EBF2: variants seen among roughly 807,000 people sequenced by gnomAD.
The protein encoded by EBF2 is transcription factor COE2.
A neutral mutation model predicts 72.8 loss-of-function variants in EBF2; 21 were observed. The ratio of observed to expected loss-of-function variants is 0.29; its 90% confidence interval spans 0.20 to 0.42. The LOEUF is 0.42. Ranked by LOEUF, EBF2 falls within the 10% of genes least tolerant of loss-of-function variation. EBF2 has a pLI of 1.00. For synonymous variants in EBF2, 299 were observed against 274.2 expected (o/e 1.09, Z -0.89); for missense variants, 637 against 731.2 (o/e 0.87, Z 1.49).
chr8:26,008,855 A>C (rs1025501469), intron 6 of EBF2, among the ~76,000 whole-genome samples: 12 of 151,618 alleles, frequency 7.9e-5, no homozygotes, highest in African/African-American at 2.9e-4. Context: ...AAAAAAAAAA[A>C]AAAACACGAA....
chr8:25,999,388 T>C (rs958478411), intron 6 of EBF2, among the ~76,000 whole-genome samples: 1 of 152,212 alleles, frequency 6.6e-6, no homozygotes, highest in African/African-American at 2.4e-5. Context: ...ATTTGAATTT[T>C]CCAGCCCTCT....
chr8:25,858,564 G>GGCTA, intron 13 of EBF2, 60 bp from the exon 14 acceptor site: 1 of 1,543,196 alleles, frequency 6.5e-7, no homozygotes, highest in Non-Finnish European at 8.8e-7. Context: ...GGCCACATGT[G>GGCTA]GCTAGCACAG....
chr8:25,990,882 G>A (rs1804531361), intron 6 of EBF2, among the ~76,000 whole-genome samples: 2 of 152,194 alleles, frequency 1.3e-5, no homozygotes. Context: ...AGTACAGAGT[G>A]GATGCCAAAT....
At chr8:26,033,967 C>T (rs965034447) in intron 5 of EBF2, among the ~76,000 whole-genome samples, 7 of 152,098 alleles carry the variant, frequency 4.6e-5, no homozygotes, top group African/African-American at 1.2e-4. Flanking sequence ...ATCGGAACCA[C>T]GGAAGGTTGG....
intron 6 of EBF2, among the ~76,000 whole-genome samples, chr8:25,955,661 A>G (rs1260676776): frequency 6.6e-6 from 1 of 152,142 alleles, no homozygotes; most frequent in Non-Finnish European, 1.5e-5. Context: ...GAAGGAAGGA[A>G]AAAGGAGAGA....
intron 6 of EBF2, among the ~76,000 whole-genome samples, chr8:26,025,286 G>C (rs1425152202): frequency 2.6e-5 from 4 of 152,236 alleles, no homozygotes; most frequent in Admixed American, 6.5e-5. Flanking sequence ...TGTATTTTGT[G>C]AATACGTATT....
At chr8:25,866,020 G>A (rs1307105936) in intron 10 of EBF2, among the ~76,000 whole-genome samples, 11 of 148,934 alleles carry the variant, frequency 7.4e-5, no homozygotes, top group South Asian at 2.1e-4. Context: ...GCAAGACTCC[G>A]TCTCAAAAAA....
chr8:26,022,445 C>T (rs1306947189), intron 6 of EBF2, among the ~76,000 whole-genome samples: 1 of 152,168 alleles, frequency 6.6e-6, no homozygotes, highest in Admixed American at 6.5e-5. Flanking sequence ...TTTGGAGGGG[C>T]TACATGGAAA....
intron 6 of EBF2, among the ~76,000 whole-genome samples, chr8:25,912,497 C>CACACACA (rs1018117434): frequency 3.0e-5 from 4 of 132,236 alleles, no homozygotes; most frequent in Non-Finnish European, 6.4e-5. Context: ...CACACACACA[C>CACACACA]AACAGGAAGA....
intron 6 of EBF2, among the ~76,000 whole-genome samples, chr8:25,979,009 C>T (rs577546985): frequency 7.2e-5 from 11 of 152,268 alleles, no homozygotes; most frequent in African/African-American, 2.6e-4. Context: ...TCTTGTGACA[C>T]GGAGGGTTCT....
chr8:25,927,012 G>A (rs1489853154), intron 6 of EBF2, among the ~76,000 whole-genome samples: 1 of 152,156 alleles, frequency 6.6e-6, no homozygotes, highest in African/African-American at 2.4e-5. Flanking sequence ...CTGGGTTCTA[G>A]CACCCAGTTA....
At chr8:26,025,876 T>C (rs1413945954) in intron 6 of EBF2, among the ~76,000 whole-genome samples, 2 of 147,862 alleles carry the variant, frequency 1.4e-5, no homozygotes, top group Non-Finnish European at 3.0e-5. Context: ...AATTTTCACT[T>C]AAAAAAAAAA....
rs528747954 is a variant in EBF2 at position 25,866,811 on chromosome 8, T to C, written c.1010-4014A>G. Among the ~76,000 whole-genome samples the C allele has an allele frequency of 4.0e-5, 6 of 151,184 alleles. No individual in the cohort carries two copies. The East Asian group carries it at 1.2e-3, about 29-fold the overall frequency. On this transcript the variant is annotated intron_variant, in intron 10 of 15. Transcript: ENST00000520164. ...CATGCCTGGCTAATTTTTGTATTTT[T>C]AGTAGAGATGGGGTTTCACCATATT... is the stretch of plus-strand genomic sequence containing the variant.
At chr8:25,907,344 C>T (rs903114430) in intron 7 of EBF2, among the ~76,000 whole-genome samples, 6 of 137,714 alleles carry the variant, frequency 4.4e-5, no homozygotes, top group African/African-American at 1.6e-4. Context: ...CCCTTGAGCC[C>T]AGGAGGCGGA....
At chr8:25,868,055 T>A (rs1802366821) in intron 10 of EBF2, among the ~76,000 whole-genome samples, 1 of 152,238 alleles carries the variant, frequency 6.6e-6, no homozygotes, top group Non-Finnish European at 1.5e-5. Context: ...CTGGATTTTA[T>A]TTCGTTGTGT....
At chr8:26,038,241 A>G (rs1216065687) in intron 5 of EBF2, among the ~76,000 whole-genome samples, 1 of 152,228 alleles carries the variant, frequency 6.6e-6, no homozygotes, top group Non-Finnish European at 1.5e-5. Context: ...ACACATAATT[A>G]ATATTTATTT....
chr8:26,034,465 C>A (rs1272857843), intron 5 of EBF2, among the ~76,000 whole-genome samples: 6 of 152,258 alleles, frequency 3.9e-5, no homozygotes, highest in African/African-American at 1.4e-4. Flanking sequence ...GGGGCAATTA[C>A]AACAAACAGA....
chr8:25,953,854 G>A (rs1366819729), intron 6 of EBF2, among the ~76,000 whole-genome samples: 1 of 152,200 alleles, frequency 6.6e-6, no homozygotes, highest in Non-Finnish European at 1.5e-5. Flanking sequence ...GAGATCAGCG[G>A]CTTAGTAGAC....
chr8:25,968,463 G>T (rs1804145463), intron 6 of EBF2, among the ~76,000 whole-genome samples: 1 of 152,198 alleles, frequency 6.6e-6, no homozygotes. Context: ...CCACTCACAT[G>T]AGGTTCATAG....
Sources: gnomAD v4.1 joint callset for allele counts (sites outside exome capture counted in the v4.1 genomes callset) on GRCh38, gnomAD v4.1.1 for gene constraint, MANE v1.5 for transcripts, NCBI Gene and HGNC (gene_info 2026-07-23, HGNC 2026-07-21) for gene names.